The following MYO1H variants were observed in gnomAD, a reference collection of about 807,000 sequenced individuals.
MYO1H encodes the protein unconventional myosin-Ih.
A neutral mutation model predicts 149.3 loss-of-function variants in MYO1H; 118 were observed. The ratio of observed to expected loss-of-function variants is 0.79; its 90% CI spans 0.68 to 0.92. MYO1H has a LOEUF of 0.92. Among genes scored for constraint, MYO1H ranks in the 40% least tolerant of loss-of-function variants. The pLI is 0.00. For synonymous variants in MYO1H, 447 were observed against 465.2 expected (o/e 0.96, Z 0.50); for missense variants, 1,212 against 1,280.7 (o/e 0.95, Z 0.82).
chr12:109,405,161 T>C (rs887561449), intron 7 of MYO1H, among the ~76,000 whole-genome samples: 10 of 151,638 alleles, frequency 6.6e-5, no homozygotes, highest in Admixed American at 3.9e-4. Context: ...TGTAGTGAGC[T>C]ATGATGGCAC....
chr12:109,435,369 T>C (rs1871816464), intron 21 of MYO1H, among the ~76,000 whole-genome samples: 1 of 152,196 alleles, frequency 6.6e-6, no homozygotes, highest in South Asian at 2.1e-4. Context: ...GATTCTGTTG[T>C]TCACTACTAG....
exon 2 of MYO1H, chr12:109,388,715 G>A: frequency 6.2e-7 from 1 of 1,604,350 alleles, no homozygotes; most frequent in Non-Finnish European, 8.5e-7. Flanking sequence ...ACATCCGTCT[G>A]CACATGGAAG....
the MYO1H span, among the ~76,000 whole-genome samples, chr12:109,340,520 A>G: frequency 1.3e-5 from 2 of 152,172 alleles, no homozygotes; most frequent in Non-Finnish European, 2.9e-5. Context: ...ATTTTCAGCA[A>G]TAGTCATGAA....
chr12:109,337,239 G>A, the MYO1H span, among the ~76,000 whole-genome samples: 1 of 151,980 alleles, frequency 6.6e-6, no homozygotes, highest in African/African-American at 2.4e-5. Flanking sequence ...TCAAAGAATT[G>A]AAACATTTGA....
At chr12:109,344,185 A>G (rs144103041), upstream of MYO1H, among the ~76,000 whole-genome samples, 70 of 152,302 alleles carry the variant, frequency 4.6e-4, 1 homozygote, top group East Asian at 0.013. Context: ...ACATCACATT[A>G]AGGGCACATA....
At chr12:109,317,222 C>T in the MYO1H span, among the ~76,000 whole-genome samples, 3 of 152,192 alleles carry the variant, frequency 2.0e-5, no homozygotes, top group Non-Finnish European at 4.4e-5. Context: ...GAAAATGGCA[C>T]ACTTATACGC....
At chr12:109,330,139 A>C in the MYO1H span, among the ~76,000 whole-genome samples, 2 of 152,220 alleles carry the variant, frequency 1.3e-5, no homozygotes, top group African/African-American at 4.8e-5. Flanking sequence ...CCAGTGTACC[A>C]GGTTAGGTGA....
intron 1 of MYO1H, among the ~76,000 whole-genome samples, chr12:109,359,720 ATGT>A (rs1211710199): frequency 2.0e-5 from 3 of 152,228 alleles, no homozygotes; most frequent in African/African-American, 4.8e-5. Context: ...GCGCACAAAA[ATGT>A]TGTCCTTCAC....
In MYO1H at chr12:109,419,603, C is replaced by T. The variant is rs1033206994; in HGVS notation, c.1598-1378C>T. Among the ~76,000 whole-genome samples the T allele has an allele frequency of 5.9e-5, 9 of 152,072 alleles. No individual in the cohort carries two copies. The East Asian group carries it at 1.2e-3, about 20-fold the overall frequency. ...TCACTTTGTTGCCTAGACTGGAGTA[C>T]AGTGCGCAATCGTGGCTCACTGCAG... On this transcript the variant is annotated intron_variant, in intron 15 of 31. Coordinates refer to ENST00000310903, the Ensembl canonical transcript of MYO1H.
chr12:109,443,394 A>T lies in MYO1H; in HGVS notation c.2689-120A>T, dbSNP rs898649124. On this transcript the variant is annotated intron_variant, in intron 27 of 31. Transcript: ENST00000310903. ...CACACACACACACACACACACACACATACACGCAAAATCTGTTTGAGCTTT... is the reference window on the plus strand; with the variant it reads ...CACACACACACACACACACACACACTTACACGCAAAATCTGTTTGAGCTTT... The T allele has an allele frequency of 9.2e-6, 9 of 982,540 alleles. 1 individual carries two copies. The highest frequency in any genetic ancestry group is 1.3e-5 in the Non-Finnish European group (9 of 676,498). 60.9% of individuals were successfully genotyped at this position (982,540 alleles called of 1,614,324 possible). A position where few individuals can be genotyped will look rare whatever the true frequency, so the allele number is the denominator to read the frequency against.
intron 4 of MYO1H, among the ~76,000 whole-genome samples, chr12:109,396,853 G>A (rs528108796): frequency 9.2e-6 from 1 of 108,366 alleles, no homozygotes; most frequent in South Asian, 3.2e-4. Flanking sequence ...TTGAGACGGA[G>A]TCTCTCTCCG....
chr12:109,327,129 T>TTTTTTC, the MYO1H span, among the ~76,000 whole-genome samples: 5 of 127,752 alleles, frequency 3.9e-5, no homozygotes, highest in African/African-American at 1.6e-4. Flanking sequence ...TTTCTTTTTC[T>TTTTTTC]TTTTCTTTTT....
chr12:109,444,246 TAGTC>T lies in MYO1H; in HGVS notation c.2860_2863del (p.Val954PhefsTer57), dbSNP rs1019648998. On this transcript the variant is annotated frameshift_variant, in exon 29 of 32. Coordinates refer to ENST00000310903, the Ensembl canonical transcript of MYO1H. LOFTEE classifies it high-confidence loss of function. ...ACTAGCAATCTGAGTGATGGAATCTTAGTCATTCATGTTTCACCAGAGGACAGCA... is the reference window on the plus strand; with the variant it reads ...ACTAGCAATCTGAGTGATGGAATCTTATTCATGTTTCACCAGAGGACAGCA... The T allele has an allele frequency of 7.4e-6, 12 of 1,613,818 alleles. No individual in the cohort carries two copies. The highest frequency in any genetic ancestry group is 1.3e-5 in the African/African-American group (1 of 74,912).
chr12:109,419,895 G>T (rs1437256497), intron 15 of MYO1H, among the ~76,000 whole-genome samples: 1 of 151,048 alleles, frequency 6.6e-6, no homozygotes, highest in Non-Finnish European at 1.5e-5. Flanking sequence ...AAAAAATCTG[G>T]TTTTGCCTTT....
chr12:109,312,855 T>C, the MYO1H span, among the ~76,000 whole-genome samples: 1 of 151,876 alleles, frequency 6.6e-6, no homozygotes, highest in East Asian at 1.9e-4. Flanking sequence ...CCCTGGGCTG[T>C]GTCTGGCACA....
intron 1 of MYO1H, among the ~76,000 whole-genome samples, chr12:109,367,373 G>A (rs1051576696): frequency 2.5e-4 from 38 of 152,094 alleles, no homozygotes; most frequent in Middle Eastern, 6.8e-3. Flanking sequence ...GTTCTCTCTC[G>A]CTTGCAATTC....
chr12:109,445,654 G>A (rs1212058496), intron 31 of MYO1H, 42 bp downstream of exon 31: 15 of 1,582,624 alleles, frequency 9.5e-6, no homozygotes, highest in Non-Finnish European at 1.2e-5. Context: ...CGTTTTAGAT[G>A]AGAATATAAG....
Position 109,447,325 on chromosome 12 carries a change from G to A in MYO1H, c.*143G>A, listed in dbSNP as rs1366666259. On this transcript the variant is annotated 3_prime_UTR_variant, in exon 32 of 32. Transcript: ENST00000310903. ...AACAGATCACATCTGAAGAAACTGA[G>A]GGGCGTTAGGCCAAAGCCTAATCCC... 8 of 773,710 alleles carry A rather than the reference G, an allele frequency of 1.0e-5. No homozygotes were observed. In the East Asian group the frequency reaches 2.1e-4, roughly 21 times the overall value. 47.9% of individuals were successfully genotyped at this position (773,710 alleles called of 1,614,324 possible). A position where few individuals can be genotyped will look rare whatever the true frequency, so the allele number is the denominator to read the frequency against.
At chr12:109,443,196 A>ATGTGTACGTATATGTGTACGTATATG (rs1872286816) in intron 27 of MYO1H, among the ~76,000 whole-genome samples, 1 of 95,670 alleles carries the variant, frequency 1.0e-5, no homozygotes, top group Non-Finnish European at 2.2e-5. Flanking sequence ...GTGTACGTAT[A>ATGTGTACGTATATGTGTACGTATATG]TGTGTGTATA....
Sources: gnomAD v4.1 joint callset for allele counts (sites outside exome capture counted in the v4.1 genomes callset) on GRCh38, gnomAD v4.1.1 for gene constraint, MANE v1.5 for transcripts, NCBI Gene and HGNC (gene_info 2026-07-23, HGNC 2026-07-21) for gene names.